The following TYW1 variants were observed in gnomAD, a reference collection of about 807,000 sequenced individuals.
TYW1 encodes the protein tRNA-yW synthesizing protein 1 homolog.
A neutral mutation model predicts 96.2 loss-of-function variants in TYW1; 46 were observed. That is an observed-to-expected ratio of 0.48 (90% CI 0.38 to 0.61). The LOEUF (loss-of-function observed/expected upper bound fraction) is 0.61. Ranked by LOEUF, TYW1 falls within the 20% of genes least tolerant of loss-of-function variation. TYW1 has a pLI of 0.00. For synonymous variants in TYW1, 274 were observed against 323.0 expected (o/e 0.85, Z 1.63); for missense variants, 684 against 909.6 (o/e 0.75, Z 3.19).
At chr7:67,137,170 C>G (rs550250080) in intron 13 of TYW1, among the ~76,000 whole-genome samples, 1 of 152,120 alleles carries the variant, frequency 6.6e-6, no homozygotes, top group Non-Finnish European at 1.5e-5. Flanking sequence ...TTCAAGCAAA[C>G]TCCTTCCTCC....
chr7:67,100,850 CAA>C (rs57665696), intron 12 of TYW1, among the ~76,000 whole-genome samples: 24 of 75,594 alleles, frequency 3.2e-4, no homozygotes, highest in Admixed American at 4.7e-4. Flanking sequence ...GGCTACAGAG[CAA>C]AAAAAAAAAA....
intron 9 of TYW1, among the ~76,000 whole-genome samples, chr7:67,063,610 AT>A (rs34138296): frequency 1.4e-4 from 21 of 148,126 alleles, no homozygotes; most frequent in East Asian, 4.0e-4. Context: ...TGTATTCTGT[AT>A]TTTTTTTTTT....
At chr7:67,108,524 C>T (rs183562834) in intron 12 of TYW1, among the ~76,000 whole-genome samples, 6 of 151,654 alleles carry the variant, frequency 4.0e-5, no homozygotes, top group South Asian at 2.1e-4. Flanking sequence ...TCACTGCAGC[C>T]GCTGCCTTTT....
chr7:67,082,047 A>G (rs1279536550), intron 10 of TYW1, among the ~76,000 whole-genome samples: 4 of 150,614 alleles, frequency 2.7e-5, no homozygotes, highest in Non-Finnish European at 5.9e-5. Flanking sequence ...TGAATTGTCT[A>G]TGTGTATTCT....
intron 15 of TYW1, among the ~76,000 whole-genome samples, chr7:67,219,891 A>T (rs1410731420): frequency 4.6e-5 from 5 of 108,602 alleles, no homozygotes; most frequent in African/African-American, 1.4e-4. Context: ...TCTCTGCTCT[A>T]ATCTTTATTA....
intron 15 of TYW1, among the ~76,000 whole-genome samples, chr7:67,219,488 G>A (rs1308825748): frequency 2.0e-5 from 3 of 152,244 alleles, no homozygotes; most frequent in Non-Finnish European, 4.4e-5. Flanking sequence ...ATGTTTTGTA[G>A]AATTCACAAG....
At chr7:67,205,294 G>A (rs1349403535) in intron 15 of TYW1, among the ~76,000 whole-genome samples, 2 of 151,994 alleles carry the variant, frequency 1.3e-5, no homozygotes, top group South Asian at 2.1e-4. Flanking sequence ...TCTGGCTCCC[G>A]TCAGCCTCCT....
rs1464298918 is a variant in TYW1, at chr7:67,072,945, T to A, written c.1274+5542T>A. 5.6e-4 allele frequency among the ~76,000 whole-genome samples: 64 copies of A among 114,032 alleles called. 1 individual carries two copies. The South Asian group carries it at 0.017, about 31-fold the overall frequency. The allele number at this position is 114,032 out of a possible 152,430, so 74.8% of individuals were successfully genotyped here. A position where few individuals can be genotyped will look rare whatever the true frequency, so the allele number is the denominator to read the frequency against. ...ACAATGCCTATCCAGTTTTTTTTTT[T>A]TTTTTTTTTTTTTTTTTTTATAGAG... On this transcript the variant is annotated intron_variant, in intron 10 of 15. Coordinates refer to ENST00000359626, the MANE Select transcript of TYW1 (RefSeq NM_018264.4).
chr7:67,129,592 A>G (rs563996563), intron 13 of TYW1, among the ~76,000 whole-genome samples: 1 of 152,346 alleles, frequency 6.6e-6, no homozygotes, highest in East Asian at 1.9e-4. Flanking sequence ...TGATGGATCT[A>G]AGAACAGTTG....
intron 13 of TYW1, among the ~76,000 whole-genome samples, chr7:67,178,723 C>A (rs1799750091): frequency 6.6e-6 from 1 of 151,832 alleles, no homozygotes; most frequent in South Asian, 2.1e-4. Context: ...CAAACACAGG[C>A]AAAAACTAGA....
chr7:67,140,164 T>C (rs1219307840), intron 13 of TYW1, among the ~76,000 whole-genome samples: 2 of 152,070 alleles, frequency 1.3e-5, no homozygotes, highest in African/African-American at 4.8e-5. Flanking sequence ...GAGAACAGCA[T>C]GGGAAACACT....
At chr7:67,142,478 G>A (rs1798479614) in intron 13 of TYW1, among the ~76,000 whole-genome samples, 1 of 151,902 alleles carries the variant, frequency 6.6e-6, no homozygotes, top group African/African-American at 2.4e-5. Context: ...ACCCAGTCTG[G>A]AGTGCAGTGG....
At chr7:67,027,303 A>G (rs1794483021) in intron 7 of TYW1, among the ~76,000 whole-genome samples, 1 of 152,202 alleles carries the variant, frequency 6.6e-6, no homozygotes, top group Admixed American at 6.5e-5. Flanking sequence ...AAAATCATAT[A>G]GATAGTAGAA....
At chr7:67,005,157 A>G (rs1793526817) in intron 3 of TYW1, among the ~76,000 whole-genome samples, 1 of 152,158 alleles carries the variant, frequency 6.6e-6, no homozygotes, top group African/African-American at 2.4e-5. Flanking sequence ...GGGATTCCCT[A>G]TGTAGCTGAC....
intron 7 of TYW1, among the ~76,000 whole-genome samples, chr7:67,048,885 A>G (rs1294009908): frequency 6.6e-6 from 1 of 152,218 alleles, no homozygotes; most frequent in African/African-American, 2.4e-5. Context: ...AAAAATTAGC[A>G]TGCCTGTAGT....
intron 13 of TYW1, among the ~76,000 whole-genome samples, chr7:67,176,793 A>C (rs1251299207): frequency 1.3e-5 from 2 of 152,158 alleles, no homozygotes; most frequent in Non-Finnish European, 2.9e-5. Flanking sequence ...GGATTTTTCA[A>C]CATTGGCACC....
At chr7:67,224,546 C>T (rs1003299506) in intron 15 of TYW1, among the ~76,000 whole-genome samples, 4 of 152,210 alleles carry the variant, frequency 2.6e-5, no homozygotes, top group African/African-American at 9.6e-5. Context: ...GTAAACTTAG[C>T]CTTCTTTTTT....
intron 15 of TYW1, among the ~76,000 whole-genome samples, chr7:67,211,795 G>T (rs1801035206): frequency 6.6e-6 from 1 of 152,128 alleles, no homozygotes; most frequent in Non-Finnish European, 1.5e-5. Context: ...GGAGCACAGC[G>T]CTATGTGCAG....
chr7:67,023,542 C>T (rs938260038), intron 6 of TYW1, among the ~76,000 whole-genome samples: 6 of 151,942 alleles, frequency 3.9e-5, no homozygotes, highest in Non-Finnish European at 8.8e-5. Context: ...CTGAGGCGGG[C>T]GCGTCACCTG....
Sources: allele counts gnomAD v4.1 joint callset (sites outside exome capture counted in the v4.1 genomes callset), GRCh38; gene constraint gnomAD v4.1.1; transcripts MANE v1.5; gene names NCBI Gene and HGNC (gene_info 2026-07-23, HGNC 2026-07-21).